HTR2B: variants seen among roughly 807,000 people sequenced by gnomAD.
HTR2B encodes 5-HT 2B receptor.
In HTR2B, 31 loss-of-function variants were observed where a neutral mutation model predicts 39.8. The observed-to-expected ratio is 0.78, with a 90% CI of 0.58 to 1.05. The LOEUF (loss-of-function observed/expected upper bound fraction) is 1.05, where lower values mean the gene tolerates loss of function less well. Among genes scored for constraint, HTR2B ranks in the 50% least tolerant of loss-of-function variants. HTR2B has a pLI of 0.00. For synonymous variants in HTR2B, 210 were observed against 207.1 expected, an observed-to-expected ratio of 1.01 and a Z score of -0.12; for missense variants, 562 against 578.0, an observed-to-expected ratio of 0.97 and a Z score of 0.28.
At chr2:231,118,740 G>A (rs896877691) in intron 2 of HTR2B, among the ~76,000 whole-genome samples, 3 of 152,062 alleles carry the variant, frequency 2.0e-5, no homozygotes, top group African/African-American at 7.2e-5. Context: ...CTATTTGTCC[G>A]GAAAATAATT....
intron 2 of HTR2B, among the ~76,000 whole-genome samples, chr2:231,116,355 A>G (rs961368851): frequency 6.6e-6 from 1 of 152,186 alleles, no homozygotes; most frequent in Non-Finnish European, 1.5e-5. Context: ...TATTGATTGC[A>G]GTTAAGGATT....
chr2:231,121,327 A>G (rs1178644692), intron 2 of HTR2B, among the ~76,000 whole-genome samples: 1 of 152,194 alleles, frequency 6.6e-6, no homozygotes, highest in Non-Finnish European at 1.5e-5. Context: ...CAGGAGTTTG[A>G]GGCCAGCCCA....
intron 1 of HTR2B, among the ~76,000 whole-genome samples, chr2:231,124,432 C>A (rs775896668): frequency 1.3e-5 from 2 of 151,874 alleles, no homozygotes; most frequent in Non-Finnish European, 2.9e-5. Flanking sequence ...TTTTAGTATG[C>A]GCTGGCCACC....
intron 3 of HTR2B, among the ~76,000 whole-genome samples, chr2:231,111,460 T>G (rs571029120): frequency 6.6e-6 from 1 of 152,352 alleles, no homozygotes; most frequent in Non-Finnish European, 1.5e-5. Context: ...AGCTTGTTGG[T>G]CAATAACTGT....
At chr2:231,119,794 C>A (rs1695467425) in intron 2 of HTR2B, among the ~76,000 whole-genome samples, 1 of 145,544 alleles carries the variant, frequency 6.9e-6, no homozygotes, top group Admixed American at 7.1e-5. Flanking sequence ...TCGTTTGAAC[C>A]TGTGGGTGGA....
rs749418415 is a variant in HTR2B, at chr2:231,109,045, G to A, written c.918C>T (p.Ser306=). 1 of 1,614,204 alleles carries A rather than the reference G, an allele frequency of 6.2e-7. No individual in the cohort carries two copies. The highest frequency in any genetic ancestry group is 8.5e-7 in the Non-Finnish European group (1 of 1,180,032). Residue 306 remains serine (S), a synonymous_variant, in exon 4 of 4, where the codon TCC becomes TCT. Coordinates refer to ENST00000258400, the MANE Select transcript of HTR2B (RefSeq NM_000867.5). ...SGDETLMRRT[S]TIGKKSVQTI... is the part of the protein sequence containing the mutation. ...TCTGCACTGACTTTTTCCCAATTGT[G>A]GATGTTCTTCGCATAAGTGTTTCAT...
chr2:231,117,608 A>G (rs1385217729), intron 2 of HTR2B, among the ~76,000 whole-genome samples: 4 of 152,184 alleles, frequency 2.6e-5, no homozygotes, highest in Non-Finnish European at 5.9e-5. Context: ...ATTGTTTAAA[A>G]TGAAGACTGC....
rs545975943 is a variant in HTR2B at position 231,109,935 on chromosome 2, G to A, written c.554-526C>T. Reference sequence around the variant, plus strand: ...AATCCTTTCCATCTAACTTCTTAGGGAAAACTAAAGTTCATTAAAAAGTGC... The same window carrying A: ...AATCCTTTCCATCTAACTTCTTAGGAAAAACTAAAGTTCATTAAAAAGTGC... On this transcript the variant is annotated intron_variant, in intron 3 of 3. Transcript: ENST00000258400. Among the ~76,000 whole-genome samples the A allele has an allele frequency of 2.7e-3, 411 of 152,192 alleles. 1 individual carries two copies. Among genetic ancestry groups the A allele is most frequent in the Middle Eastern group, 6.8e-3 (2 of 294 alleles).
chr2:231,112,902 C>T (rs547360297), intron 3 of HTR2B, among the ~76,000 whole-genome samples: 7 of 152,264 alleles, frequency 4.6e-5, no homozygotes, highest in East Asian at 3.9e-4. Flanking sequence ...CAGTGACTCA[C>T]GCCTGTAATC....
intron 3 of HTR2B, among the ~76,000 whole-genome samples, chr2:231,110,085 A>G (rs1201273692): frequency 2.0e-5 from 3 of 152,198 alleles, no homozygotes; most frequent in Non-Finnish European, 4.4e-5. Flanking sequence ...TTGGGAGGCC[A>G]AGTGGGGGTG....
chr2:231,108,929 A>T lies in HTR2B; in HGVS notation c.1034T>A (p.Ile345Lys). 6.2e-7 allele frequency: 1 copy of T among 1,614,166 alleles called. No homozygotes were observed. The highest frequency in any genetic ancestry group is 8.5e-7 in the Non-Finnish European group (1 of 1,179,998). ...ACAGGAATCACATAAAACTAAAGTT[A>T]TATTTGTAATAAAGAAGGGACACCA... ...LMWCPFFITN[I>K]TLVLCDSCNQ... The change falls in exon 4 of 4, where the codon ATA becomes AAA. Residue 345 changes from isoleucine (I) to lysine (K), a missense_variant. Ile to Lys is a moderately radical substitution (Grantham distance 102, BLOSUM62 -3). Coordinates refer to ENST00000258400, the MANE Select transcript of HTR2B (RefSeq NM_000867.5).
intron 2 of HTR2B, among the ~76,000 whole-genome samples, chr2:231,119,593 A>G (rs1183568135): frequency 6.6e-6 from 1 of 152,102 alleles, no homozygotes; most frequent in Non-Finnish European, 1.5e-5. Context: ...AGTTATAGCC[A>G]GGTTTGGTGG....
chr2:231,124,302 A>G (rs2125234755), intron 1 of HTR2B, among the ~76,000 whole-genome samples, 172 bp from the exon 2 acceptor site: 2 of 152,308 alleles, frequency 1.3e-5, no homozygotes, highest in South Asian at 4.2e-4. Flanking sequence ...GAAACAGAAG[A>G]CACATTAATT....
chr2:231,124,006 G>A lies in HTR2B; in HGVS notation c.-242C>T. ...TTTCTAGAGGCTTAAATTTAGGAAA[G>A]CTCAGTGAAAGAAACTGATAGCTGT... is the stretch of plus-strand genomic sequence containing the variant. On this transcript the variant is annotated 5_prime_UTR_variant, in exon 2 of 4. Coordinates refer to ENST00000258400, the MANE Select transcript of HTR2B (RefSeq NM_000867.5). The A allele has an allele frequency of 2.1e-6, 1 of 477,582 alleles. No homozygotes were observed. The highest frequency in any genetic ancestry group is 3.3e-5 in the Admixed American group (1 of 30,416). 29.6% of individuals were successfully genotyped at this position (477,582 alleles called of 1,614,324 possible).
At chr2:231,122,765 C>G (rs958980257) in intron 2 of HTR2B, among the ~76,000 whole-genome samples, 4 of 152,088 alleles carry the variant, frequency 2.6e-5, no homozygotes, top group African/African-American at 9.7e-5. Flanking sequence ...AGAGGCCTAT[C>G]AGGAACACAG....
At chr2:231,112,917 C>T (rs557293055) in intron 3 of HTR2B, among the ~76,000 whole-genome samples, 1 of 152,274 alleles carries the variant, frequency 6.6e-6, no homozygotes, top group South Asian at 2.1e-4. Context: ...GTAATCCCAG[C>T]ACTTTGGGAG....
At chr2:231,110,565 C>T (rs902555445) in intron 3 of HTR2B, among the ~76,000 whole-genome samples, 1 of 150,852 alleles carries the variant, frequency 6.6e-6, no homozygotes, top group African/African-American at 2.4e-5. Context: ...CAAGAGCACC[C>T]CTCATCTACA....
At chr2:231,117,843 A>G (rs1695395720) in intron 2 of HTR2B, among the ~76,000 whole-genome samples, 1 of 152,166 alleles carries the variant, frequency 6.6e-6, no homozygotes, top group African/African-American at 2.4e-5. Context: ...ACTGAAAAGA[A>G]TACTGAGTTC....
chr2:231,115,718 G>A (rs539428938), intron 2 of HTR2B, among the ~76,000 whole-genome samples: 2 of 152,240 alleles, frequency 1.3e-5, no homozygotes, highest in Admixed American at 6.5e-5. Context: ...TAGAGGTAAG[G>A]AGGGGAGGCA....
Sources: allele counts gnomAD v4.1 joint callset (sites outside exome capture counted in the v4.1 genomes callset), GRCh38; gene constraint gnomAD v4.1.1; transcripts MANE v1.5; gene names NCBI Gene and HGNC (gene_info 2026-07-23, HGNC 2026-07-21).